Variants in IFNG-AS1 observed in about 807,000 individuals in gnomAD.
The protein encoded by IFNG-AS1 is IFNG antisense RNA 1 (non-protein coding).
At chr12:68,008,678 G>A (rs1879960818) in intron 3 of IFNG-AS1, among the ~76,000 whole-genome samples, 1 of 152,152 alleles carries the variant, frequency 6.6e-6, no homozygotes, top group South Asian at 2.1e-4. Flanking sequence ...TCCATCAGTG[G>A]CTCTCCCATA....
intron 2 of IFNG-AS1, among the ~76,000 whole-genome samples, chr12:68,003,223 C>A (rs1367281146): frequency 6.6e-6 from 1 of 152,038 alleles, no homozygotes; most frequent in Non-Finnish European, 1.5e-5. Flanking sequence ...TCATTTTCCT[C>A]TTTAGAAATG....
intron 4 of IFNG-AS1, chr12:68,021,253 T>C (rs1001221407): frequency 1.3e-5 from 2 of 152,242 alleles, no homozygotes; most frequent in African/African-American, 2.4e-5. Flanking sequence ...TCTGTAATTT[T>C]TCATCATGCC....
At position 68,004,281 on chromosome 12, in the gene IFNG-AS1, T is replaced by C. The variant is rs181812595; in HGVS notation, n.185-1809T>C. ...TTCAGTACTAAAGTCTCTTGTCTTT[T>C]AAATGGGCTCCCCCATGATGCATTT... is the stretch of plus-strand genomic sequence containing the variant. On this transcript the variant is annotated intron_variant and non_coding_transcript_variant, in intron 2 of 5. Transcript: ENST00000536914. Among the ~76,000 whole-genome samples the C allele has an allele frequency of 3.3e-4, 50 of 152,358 alleles. No individual in the cohort carries two copies. The East Asian group carries it at 4.6e-3, about 14-fold the overall frequency.
chr12:67,997,206 A>G (rs1363321905), intron 2 of IFNG-AS1, among the ~76,000 whole-genome samples: 1 of 152,116 alleles, frequency 6.6e-6, no homozygotes, highest in Non-Finnish European at 1.5e-5. Context: ...ACTTAAAAAG[A>G]AAAACTAGAA....
rs534200534 is a variant in IFNG-AS1 at position 68,020,094 on chromosome 12, G to A, written n.278+196G>A. 2.6e-5 allele frequency: 4 copies of A among 152,324 alleles called. No homozygotes were observed. The South Asian group carries it at 6.2e-4, about 24-fold the overall frequency. 9.4% of individuals were successfully genotyped at this position (152,324 alleles called of 1,614,324 possible). On this transcript the variant is annotated intron_variant and non_coding_transcript_variant, in intron 4 of 5. Transcript: ENST00000536914. ...AAAAGATTAGAAAAGGGTAAAGGAT[G>A]CCTGGAAAGCCGGACTAGGAAAAGG...
intron 3 of IFNG-AS1, among the ~76,000 whole-genome samples, chr12:68,007,073 T>C: frequency 6.6e-6 from 1 of 152,210 alleles, no homozygotes; most frequent in East Asian, 1.9e-4. Flanking sequence ...TCAGTGTGTG[T>C]AGTAAAGGCA....
At chr12:68,009,198 C>A (rs1879970643) in intron 3 of IFNG-AS1, among the ~76,000 whole-genome samples, 1 of 152,160 alleles carries the variant, frequency 6.6e-6, no homozygotes, top group African/African-American at 2.4e-5. Context: ...CCATAACTGG[C>A]ACTTAATAGT....
intron 3 of IFNG-AS1, among the ~76,000 whole-genome samples, chr12:68,013,280 A>G (rs543638485): frequency 3.9e-5 from 6 of 152,340 alleles, no homozygotes; most frequent in African/African-American, 1.4e-4. Flanking sequence ...ACTTCCTCTC[A>G]ATGCATTGGT....
intron 4 of IFNG-AS1, chr12:68,021,101 G>A (rs1161154468): frequency 6.6e-6 from 1 of 152,042 alleles, no homozygotes; most frequent in African/African-American, 2.4e-5. Context: ...ATCATCCTCA[G>A]CAATCATGTG....
intron 1 of IFNG-AS1, among the ~76,000 whole-genome samples, chr12:67,993,775 T>C (rs1403250625): frequency 1.3e-5 from 2 of 152,248 alleles, no homozygotes; most frequent in East Asian, 3.8e-4. Flanking sequence ...TAAAGAAATT[T>C]AATATATTCA....
At chr12:68,015,183 G>A (rs1365470145) in intron 3 of IFNG-AS1, among the ~76,000 whole-genome samples, 1 of 152,132 alleles carries the variant, frequency 6.6e-6, no homozygotes, top group Non-Finnish European at 1.5e-5. Context: ...AAGCCAGATG[G>A]ACACAAAGCT....
At chr12:68,012,483 C>T (rs1437694871) in intron 3 of IFNG-AS1, among the ~76,000 whole-genome samples, 1 of 152,132 alleles carries the variant, frequency 6.6e-6, no homozygotes, top group Non-Finnish European at 1.5e-5. Context: ...TTCACTTCTC[C>T]CTAAAATGAG....
intron 2 of IFNG-AS1, among the ~76,000 whole-genome samples, chr12:68,005,371 T>C (rs2906862): frequency 0.6 from 91,060 of 151,990 alleles, 27,603 homozygotes; most frequent in Middle Eastern, 0.69. Flanking sequence ...CATGTAGAAA[T>C]GCGCACACAC....
intron 2 of IFNG-AS1, among the ~76,000 whole-genome samples, chr12:68,000,599 G>C (rs567657860): frequency 6.6e-6 from 1 of 152,204 alleles, no homozygotes; most frequent in African/African-American, 2.4e-5. Context: ...TTGAGCCCAG[G>C]AGTTTCAGAC....
intron 4 of IFNG-AS1, chr12:68,021,293 A>G (rs1270749311): frequency 6.6e-6 from 1 of 152,222 alleles, no homozygotes; most frequent in East Asian, 1.9e-4. Flanking sequence ...CAACAGCAAT[A>G]AAACAACAAC....
chr12:68,019,745 A>C (rs1880242480), intron 3 of IFNG-AS1: 1 of 152,184 alleles, frequency 6.6e-6, no homozygotes, highest in South Asian at 2.1e-4. Flanking sequence ...GGGTGGACTG[A>C]ACAAATTGGG....
intron 3 of IFNG-AS1, among the ~76,000 whole-genome samples, chr12:68,015,764 G>A (rs1409054743): frequency 6.6e-6 from 1 of 152,124 alleles, no homozygotes; most frequent in Non-Finnish European, 1.5e-5. Flanking sequence ...CAAAGCAATA[G>A]AAAGATCAGC....
At chr12:67,994,026 A>G (rs1271830469) in intron 1 of IFNG-AS1, among the ~76,000 whole-genome samples, 1 of 152,196 alleles carries the variant, frequency 6.6e-6, no homozygotes, top group Non-Finnish European at 1.5e-5. Flanking sequence ...GGTTAGTACC[A>G]TCATGTTCCC....
intron 3 of IFNG-AS1, among the ~76,000 whole-genome samples, chr12:68,015,810 A>C (rs1444967042): frequency 2.6e-5 from 4 of 152,204 alleles, no homozygotes; most frequent in Non-Finnish European, 5.9e-5. Flanking sequence ...TGTTGACTAC[A>C]GATATCTTTC....
Sources: allele counts gnomAD v4.1 joint callset (sites outside exome capture counted in the v4.1 genomes callset), GRCh38; gene constraint gnomAD v4.1.1; transcripts MANE v1.5; gene names NCBI Gene and HGNC (gene_info 2026-07-23, HGNC 2026-07-21).